The following PALLD variants were observed in gnomAD, a reference collection of about 807,000 sequenced individuals.
PALLD encodes the protein palladin.
Under a neutral mutation model 123.5 loss-of-function variants are expected in PALLD, and 61 were observed. The observed-to-expected ratio is 0.49, with a 90% CI of 0.40 to 0.61. The LOEUF is 0.61. Ranked by LOEUF, PALLD falls within the 20% of genes least tolerant of loss-of-function variation. The pLI is 0.00. For synonymous variants in PALLD, 465 were observed against 496.4 expected (o/e 0.94, Z 0.84); for missense variants, 1,273 against 1,377.0 (o/e 0.92, Z 1.20).
intron 2 of PALLD, among the ~76,000 whole-genome samples, chr4:168,561,061 C>G (rs1358772325): frequency 6.6e-6 from 1 of 151,972 alleles, no homozygotes; most frequent in Non-Finnish European, 1.5e-5. Flanking sequence ...GCCCTGGAGC[C>G]AAGATGATGA....
In PALLD at chr4:168,714,527, G is replaced by A. The variant is rs73864624; in HGVS notation, c.1964+2604G>A. ...ATGAATGACTATAGGTAACTGCCAAGTGAAATTCTTACACATTCATTTTTT... is the reference window on the plus strand; with the variant it reads ...ATGAATGACTATAGGTAACTGCCAAATGAAATTCTTACACATTCATTTTTT... On this transcript the variant is annotated intron_variant, in intron 10 of 21. Transcript: ENST00000505667. 9.9e-3 allele frequency among the ~76,000 whole-genome samples: 1,504 copies of A among 152,326 alleles called. 23 individuals carry two copies. Among genetic ancestry groups the A allele is most frequent in the African/African-American group, 0.035 (1,455 of 41,560 alleles).
intron 2 of PALLD, among the ~76,000 whole-genome samples, chr4:168,584,965 C>G (rs2149666981): frequency 6.6e-6 from 1 of 152,310 alleles, no homozygotes; most frequent in East Asian, 1.9e-4. Flanking sequence ...GAGTTCCCCC[C>G]TTTCTTGGCT....
intron 2 of PALLD, among the ~76,000 whole-genome samples, chr4:168,609,130 A>T (rs902657466): frequency 1.3e-5 from 2 of 152,024 alleles, no homozygotes; most frequent in East Asian, 3.9e-4. Context: ...GCTCGGGTCA[A>T]GATACATATT....
chr4:168,773,826 G>A (rs942356201), intron 10 of PALLD, among the ~76,000 whole-genome samples: 5 of 151,950 alleles, frequency 3.3e-5, no homozygotes, highest in African/African-American at 1.2e-4. Flanking sequence ...GAAAGGTCAC[G>A]GGTACACACC....
At chr4:168,727,692 T>A (rs1786734269) in intron 10 of PALLD, among the ~76,000 whole-genome samples, 1 of 152,206 alleles carries the variant, frequency 6.6e-6, no homozygotes, top group Non-Finnish European at 1.5e-5. Flanking sequence ...TCTTTTGCTG[T>A]ACAGAAGTTC....
rs947638911 is a variant in PALLD at position 168,835,615 on chromosome 4, G to A, written c.1965-55307G>A. Among the ~76,000 whole-genome samples, 4 of 139,988 alleles carry A rather than the reference G, an allele frequency of 2.9e-5. No individual in the cohort carries two copies. The South Asian group carries it at 9.3e-4, about 32-fold the overall frequency. 91.8% of individuals were successfully genotyped at this position (139,988 alleles called of 152,430 possible). ...TTTAAGGGATTTTTTTTAAAAAACA[G>A]GGAAGCTCTGTTATCAAATTTTAAG... On this transcript the variant is annotated intron_variant, in intron 10 of 21. Coordinates refer to ENST00000505667, the MANE Select transcript of PALLD (RefSeq NM_001166108.2).
At chr4:168,760,281 G>C (rs533862029) in intron 10 of PALLD, among the ~76,000 whole-genome samples, 86 of 151,606 alleles carry the variant, frequency 5.7e-4, no homozygotes, top group African/African-American at 1.9e-3. Flanking sequence ...AGGAGCGTTT[G>C]TGAACTTGTG....
chr4:168,678,874 C>A (rs1369622745), intron 3 of PALLD, among the ~76,000 whole-genome samples: 1 of 117,100 alleles, frequency 8.5e-6, no homozygotes. Context: ...GTGGGTGTGG[C>A]GTGTGTGTGG....
chr4:168,772,503 C>A (rs1734591293), intron 10 of PALLD, among the ~76,000 whole-genome samples: 4 of 152,184 alleles, frequency 2.6e-5, no homozygotes, highest in South Asian at 4.1e-4. Context: ...ACCACAGCAA[C>A]CAGTGCCATG....
intron 10 of PALLD, among the ~76,000 whole-genome samples, chr4:168,801,277 TTTTG>T (rs1028499446): frequency 6.6e-6 from 1 of 152,186 alleles, no homozygotes; most frequent in Non-Finnish European, 1.5e-5. Flanking sequence ...TGTAAAATTT[TTTTG>T]TTTGTTTGTT....
chr4:168,599,940 A>G (rs1772381222), intron 2 of PALLD, among the ~76,000 whole-genome samples: 1 of 151,786 alleles, frequency 6.6e-6, no homozygotes, highest in East Asian at 1.9e-4. Flanking sequence ...ACTGTTTTAG[A>G]CTTTTTCAAA....
At chr4:168,608,964 AAC>A (rs374644672) in intron 2 of PALLD, among the ~76,000 whole-genome samples, 1 of 151,276 alleles carries the variant, frequency 6.6e-6, no homozygotes, top group Non-Finnish European at 1.5e-5. Context: ...TTCATGTTTC[AAC>A]ACACACACAC....
At chr4:168,683,223 A>C (rs1285402844) in intron 5 of PALLD, 120 bp downstream of exon 5, 4 of 604,304 alleles carry the variant, frequency 6.6e-6, no homozygotes, top group Non-Finnish European at 1.2e-5. Flanking sequence ...CTAAGTGGAC[A>C]CAAAATTCAG....
At chr4:168,817,588 A>G (rs565334662) in intron 10 of PALLD, among the ~76,000 whole-genome samples, 2 of 152,312 alleles carry the variant, frequency 1.3e-5, no homozygotes, top group South Asian at 2.1e-4. Context: ...AGAGTGGCCA[A>G]TAATATGTCA....
At chr4:168,681,543 T>C in intron 4 of PALLD, 145 bp downstream of exon 4, 2 of 273,492 alleles carry the variant, frequency 7.3e-6, no homozygotes, top group South Asian at 6.3e-5. Context: ...GAACACAATT[T>C]TTTTTTTTTT....
At chr4:168,554,881 A>G (rs1189758418) in intron 2 of PALLD, among the ~76,000 whole-genome samples, 1 of 152,156 alleles carries the variant, frequency 6.6e-6, no homozygotes, top group East Asian at 1.9e-4. Context: ...TTATACTATC[A>G]TGTTTATACT....
At chr4:168,708,826 A>G (rs1784457201) in intron 8 of PALLD, among the ~76,000 whole-genome samples, 1 of 152,120 alleles carries the variant, frequency 6.6e-6, no homozygotes, top group African/African-American at 2.4e-5. Flanking sequence ...ATCACAAAGA[A>G]TGGGTCTACC....
At chr4:168,712,071 A>G in intron 10 of PALLD, 148 bp downstream of exon 10, 1 of 682,400 alleles carries the variant, frequency 1.5e-6, no homozygotes, top group Non-Finnish European at 2.6e-6. Flanking sequence ...TCTTTCAACA[A>G]TATAAAAGAC....
At chr4:168,862,062 G>A (rs1749567965) in intron 10 of PALLD, among the ~76,000 whole-genome samples, 1 of 150,128 alleles carries the variant, frequency 6.7e-6, no homozygotes, top group South Asian at 2.2e-4. Flanking sequence ...TTAATCATGT[G>A]TATTCTTTAA....
Sources: allele counts gnomAD v4.1 joint callset (sites outside exome capture counted in the v4.1 genomes callset), GRCh38; gene constraint gnomAD v4.1.1; transcripts MANE v1.5; gene names NCBI Gene and HGNC (gene_info 2026-07-23, HGNC 2026-07-21).